The following CCSER1 variants were observed in gnomAD, a reference collection of about 807,000 sequenced individuals.
The protein encoded by CCSER1 is coiled-coil serine rich protein 1.
CCSER1 carries 41 observed loss-of-function variants against 82.0 expected under a neutral mutation model. The ratio of observed to expected loss-of-function variants is 0.50; its 90% confidence interval spans 0.39 to 0.65. The LOEUF (loss-of-function observed/expected upper bound fraction) is 0.65, where lower values mean the gene tolerates loss of function less well. Ranked by LOEUF, CCSER1 falls within the 30% of genes least tolerant of loss-of-function variation. The pLI, the probability that CCSER1 is intolerant of heterozygous loss-of-function variation, is 0.00. For missense variants in CCSER1, 1,119 were observed against 1,064.2 expected (o/e 1.05, Z -0.72); for synonymous variants, 414 against 383.9 (o/e 1.08, Z -0.92).
At chr4:90,673,123 G>A (rs1733123457) in intron 6 of CCSER1, among the ~76,000 whole-genome samples, 1 of 151,914 alleles carries the variant, frequency 6.6e-6, no homozygotes, top group Non-Finnish European at 1.5e-5. Flanking sequence ...GCTGGAAACA[G>A]GGTTGCCACA....
chr4:90,416,035 T>C (rs1755734689), intron 4 of CCSER1, among the ~76,000 whole-genome samples: 2 of 152,132 alleles, frequency 1.3e-5, no homozygotes, highest in Admixed American at 1.3e-4. Flanking sequence ...AATGGAGAGA[T>C]GATCAAAAGA....
Position 90,309,304 on chromosome 4 carries a change from C to G in CCSER1, c.1020C>G (p.Thr340=). The G allele has an allele frequency of 6.2e-7, 1 of 1,613,822 alleles. No individual in the cohort carries two copies. The highest frequency in any genetic ancestry group is 8.5e-7 in the Non-Finnish European group (1 of 1,179,816). ...CSTESNSLPE[T]SAANQKEVLL... ...CTGAATCTAATTCATTACCGGAAAC[C>G]TCTGCTGCTAATCAGAAGGAAGTGT... is the stretch of plus-strand genomic sequence containing the variant. The change falls in exon 2 of 11, where the codon ACC becomes ACG. Residue 340 remains threonine (T), a synonymous_variant. Coordinates refer to ENST00000509176, the MANE Select transcript of CCSER1 (RefSeq NM_001145065.2).
At chr4:90,350,804 T>A (rs1346316279) in intron 3 of CCSER1, among the ~76,000 whole-genome samples, 1 of 152,068 alleles carries the variant, frequency 6.6e-6, no homozygotes, top group Non-Finnish European at 1.5e-5. Context: ...TCAACCATAT[T>A]CTCTGATAAA....
chr4:90,173,145 G>T (rs1279564876), intron 1 of CCSER1, among the ~76,000 whole-genome samples: 5 of 151,744 alleles, frequency 3.3e-5, no homozygotes, highest in African/African-American at 1.2e-4. Context: ...GAGGATCACA[G>T]AAATTAAGAT....
intron 10 of CCSER1, among the ~76,000 whole-genome samples, chr4:91,595,782 T>C (rs533861641): frequency 6.6e-6 from 1 of 151,888 alleles, no homozygotes; most frequent in Admixed American, 6.6e-5. Flanking sequence ...TTTCACATGA[T>C]GTATGCAGCA....
chr4:91,591,406 AAATT>A (rs1000879169), intron 10 of CCSER1, among the ~76,000 whole-genome samples: 1 of 152,082 alleles, frequency 6.6e-6, no homozygotes, highest in Non-Finnish European at 1.5e-5. Context: ...GTAATTAATT[AAATT>A]AATATATGTA....
chr4:91,379,996 C>T (rs1039477295), intron 10 of CCSER1, among the ~76,000 whole-genome samples: 9 of 152,222 alleles, frequency 5.9e-5, no homozygotes, highest in South Asian at 2.1e-4. Context: ...GCCTTCATTT[C>T]GTTATGTACC....
At chr4:90,421,765 G>C (rs1401480698) in intron 4 of CCSER1, among the ~76,000 whole-genome samples, 2 of 152,164 alleles carry the variant, frequency 1.3e-5, no homozygotes, top group East Asian at 3.9e-4. Context: ...AGTGAGGGGA[G>C]GATTTTAACA....
At chr4:90,943,729 ATTTTTTTTTTTTTT>A (rs70965460) in intron 9 of CCSER1, among the ~76,000 whole-genome samples, 13 of 68,852 alleles carry the variant, frequency 1.9e-4, no homozygotes, top group South Asian at 5.4e-4. Context: ...TGCCAGGCTA[ATTTTTTTTTTTTTT>A]TTTTTTTTTT....
chr4:90,915,036 C>A (rs1030634145), intron 8 of CCSER1, among the ~76,000 whole-genome samples: 1 of 151,966 alleles, frequency 6.6e-6, no homozygotes, highest in African/African-American at 2.4e-5. Flanking sequence ...GCATACTAAC[C>A]AAAAAAAGTC....
intron 7 of CCSER1, among the ~76,000 whole-genome samples, chr4:90,744,417 T>C (rs1000217449): frequency 2.0e-5 from 3 of 152,210 alleles, no homozygotes; most frequent in African/African-American, 7.2e-5. Flanking sequence ...TTGGACTTTA[T>C]TTGAAATTTG....
At chr4:90,570,012 G>T (rs191836006) in intron 5 of CCSER1, among the ~76,000 whole-genome samples, 1 of 152,298 alleles carries the variant, frequency 6.6e-6, no homozygotes, top group Non-Finnish European at 1.5e-5. Context: ...CCACGGGTAT[G>T]GTCCCAGTTC....
intron 7 of CCSER1, among the ~76,000 whole-genome samples, chr4:90,813,582 G>A (rs1758621799): frequency 6.6e-6 from 1 of 152,124 alleles, no homozygotes; most frequent in African/African-American, 2.4e-5. Flanking sequence ...TCTCGTGATT[G>A]TGCATAAGTC....
intron 10 of CCSER1, among the ~76,000 whole-genome samples, chr4:91,511,935 G>A (rs1379657857): frequency 6.6e-6 from 1 of 152,160 alleles, no homozygotes; most frequent in Non-Finnish European, 1.5e-5. Context: ...TGGAAAAATT[G>A]TCTGCCGTGA....
chr4:91,160,742 TG>T (rs1186107263), intron 10 of CCSER1, among the ~76,000 whole-genome samples: 1 of 151,960 alleles, frequency 6.6e-6, no homozygotes, highest in Non-Finnish European at 1.5e-5. Context: ...TTGATGTTGT[TG>T]TTGTTGTTGT....
chr4:90,614,523 T>G (rs1720846953), intron 5 of CCSER1, among the ~76,000 whole-genome samples: 1 of 152,214 alleles, frequency 6.6e-6, no homozygotes, highest in South Asian at 2.1e-4. Context: ...GCACAGGAAT[T>G]ATAAGAAAAT....
chr4:90,686,128 C>T (rs1486280258), intron 6 of CCSER1, among the ~76,000 whole-genome samples: 5 of 152,098 alleles, frequency 3.3e-5, no homozygotes, highest in East Asian at 1.9e-4. Context: ...TTCAGCTCCA[C>T]GGACTGGTAA....
At chr4:90,636,820 C>T (rs2148960624) in intron 6 of CCSER1, among the ~76,000 whole-genome samples, 1 of 152,102 alleles carries the variant, frequency 6.6e-6, no homozygotes, top group East Asian at 1.9e-4. Context: ...TGCTAGAGGT[C>T]CTAGCTAGGA....
At chr4:90,645,081 TA>T (rs70963077) in intron 6 of CCSER1, among the ~76,000 whole-genome samples, 19,510 of 131,102 alleles carry the variant, frequency 0.15, 1,577 homozygotes, top group East Asian at 0.34. Context: ...AAACTCCGTC[TA>T]AAAAAAAAAA....
Sources: allele counts gnomAD v4.1 joint callset (sites outside exome capture counted in the v4.1 genomes callset), GRCh38; gene constraint gnomAD v4.1.1; transcripts MANE v1.5; gene names NCBI Gene and HGNC (gene_info 2026-07-23, HGNC 2026-07-21).